DNTT: variants seen among roughly 807,000 people sequenced by gnomAD.
DNTT encodes the protein DNA nucleotidylexotransferase, also known as nucleosidetriphosphate:DNA deoxynucleotidylexotransferase.
DNTT carries 47 observed loss-of-function variants against 60.9 expected under a neutral mutation model. That is an observed-to-expected ratio of 0.77 (90% CI 0.61 to 0.98). DNTT has a LOEUF of 0.98. Ranked by LOEUF, DNTT falls within the 50% of genes least tolerant of loss-of-function variation. The probability of loss-of-function intolerance (pLI) is 0.00; values close to 1 mark genes in which losing one functional copy is unlikely to be tolerated. For synonymous variants in DNTT, 224 were observed against 221.2 expected, an observed-to-expected ratio of 1.01 and a Z score of -0.11; for missense variants, 665 against 627.5, an observed-to-expected ratio of 1.06 and a Z score of -0.64.
At chr10:96,321,152 G>C (rs1388438328) in intron 4 of DNTT, among the ~76,000 whole-genome samples, 2 of 152,084 alleles carry the variant, frequency 1.3e-5, no homozygotes, top group Non-Finnish European at 2.9e-5. Context: ...ATTCGACTGG[G>C]GGGCATAAGG....
chr10:96,316,938 A>G (rs1160220943), intron 1 of DNTT, among the ~76,000 whole-genome samples: 1 of 152,244 alleles, frequency 6.6e-6, no homozygotes, highest in East Asian at 1.9e-4. Context: ...TGCATATAAT[A>G]GCAAATTTAA....
chr10:96,307,229 TCAA>T (rs571900289), intron 1 of DNTT, among the ~76,000 whole-genome samples: 19 of 152,170 alleles, frequency 1.2e-4, no homozygotes, highest in African/African-American at 3.9e-4. Flanking sequence ...TCAAATGATA[TCAA>T]CAAATAGAAC....
chr10:96,312,319 C>T (rs1002687071), intron 1 of DNTT, among the ~76,000 whole-genome samples: 5 of 152,140 alleles, frequency 3.3e-5, no homozygotes, highest in Admixed American at 1.3e-4. Flanking sequence ...GCAATTTCCC[C>T]GTCCTTTGCA....
intron 1 of DNTT, among the ~76,000 whole-genome samples, chr10:96,308,145 A>G (rs566031949): frequency 2.0e-5 from 3 of 152,302 alleles, no homozygotes; most frequent in Admixed American, 6.5e-5. Flanking sequence ...TGGCTGTCAG[A>G]AGGATTAAAT....
intron 1 of DNTT, among the ~76,000 whole-genome samples, chr10:96,314,672 A>G (rs968288488): frequency 6.6e-6 from 1 of 151,712 alleles, no homozygotes; most frequent in Non-Finnish European, 1.5e-5. Context: ...TCAGCCTCCC[A>G]AAGTGCTGGG....
intron 7 of DNTT, 128 bp from the exon 8 acceptor site, chr10:96,328,597 C>T (rs1379184111): frequency 4.8e-5 from 40 of 840,518 alleles, no homozygotes; most frequent in Non-Finnish European, 6.8e-5. Context: ...TATTTTGTTT[C>T]TTAAAAAAAA....
intron 9 of DNTT, 109 bp from the exon 10 acceptor site, chr10:96,335,782 C>A: frequency 7.7e-7 from 1 of 1,303,866 alleles, no homozygotes; most frequent in Non-Finnish European, 1.1e-6. Context: ...AGGAAAATCA[C>A]TTTGAGAATG....
chr10:96,314,868 G>C (rs1198369810), intron 1 of DNTT, among the ~76,000 whole-genome samples: 1 of 152,124 alleles, frequency 6.6e-6, no homozygotes, highest in African/African-American at 2.4e-5. Context: ...TCAGAGCAGA[G>C]AGAAAACCAC....
At chr10:96,310,822 A>T (rs143610380) in intron 1 of DNTT, among the ~76,000 whole-genome samples, 3 of 152,346 alleles carry the variant, frequency 2.0e-5, no homozygotes, top group African/African-American at 7.2e-5. Flanking sequence ...GTTTACCAAG[A>T]GTAATTTTTG....
At chr10:96,306,983 C>T (rs34220987) in intron 1 of DNTT, among the ~76,000 whole-genome samples, 15,756 of 152,238 alleles carry the variant, frequency 0.1, 888 homozygotes, top group South Asian at 0.15. Context: ...GGCTCTGAGC[C>T]TCCCCAGCCA....
intron 9 of DNTT, among the ~76,000 whole-genome samples, chr10:96,334,113 T>C (rs1360343883): frequency 1.3e-5 from 2 of 152,192 alleles, no homozygotes; most frequent in African/African-American, 4.8e-5. Flanking sequence ...TATATGTTAA[T>C]TAAAAATAAA....
chr10:96,308,970 T>A (rs1844676242), intron 1 of DNTT, among the ~76,000 whole-genome samples: 1 of 152,214 alleles, frequency 6.6e-6, no homozygotes, highest in Non-Finnish European at 1.5e-5. Flanking sequence ...GATGTATACG[T>A]GCAGGTCACA....
rs1564870098 is a variant in DNTT at position 96,314,401 on chromosome 10, C to CTTTTTTTTTTTTT, written c.204-3951_204-3950insTTTTTTTTTTTTT. On this transcript the variant is annotated intron_variant, in intron 1 of 10. Coordinates refer to ENST00000371174, the MANE Select transcript of DNTT (RefSeq NM_004088.4). ...TTAACATTTCCAAGGCTATCTCTTC[C>CTTTTTTTTTTTTT]CTTTTTTTTTTTTTTTTTTTTTTTT... 1.8e-4 allele frequency among the ~76,000 whole-genome samples: 7 copies of CTTTTTTTTTTTTT among 39,830 alleles called. No homozygotes were observed. The East Asian group carries it at 2.5e-3, about 14-fold the overall frequency. The allele number at this position is 39,830 out of a possible 152,430, so 26.1% of individuals were successfully genotyped here. A position where few individuals can be genotyped will look rare whatever the true frequency, so the allele number is the denominator to read the frequency against.
Position 96,332,500 on chromosome 10 carries a change from G to T in DNTT, c.1263G>T (p.Trp421Cys). ...RQRVDSDQSS[W>C]QEGKTWKAIR... Reference sequence around the variant, plus strand: ...GAGTGGACAGTGACCAGTCCAGCTGGCAGGAAGGAAAGACCTGGAAGGCCA... The same window carrying T: ...GAGTGGACAGTGACCAGTCCAGCTGTCAGGAAGGAAAGACCTGGAAGGCCA... The change falls in exon 9 of 11, where the codon TGG becomes TGT. Residue 421 changes from tryptophan to cysteine, a missense_variant. Trp to Cys is a radical substitution (Grantham distance 215). Transcript: ENST00000371174. 4 of 1,614,188 alleles carry T rather than the reference G, an allele frequency of 2.5e-6. No homozygotes were observed. Among genetic ancestry groups the T allele is most frequent in the Non-Finnish European group, 3.4e-6 (4 of 1,180,012 alleles).
At chr10:96,315,395 A>G (rs1844775326) in intron 1 of DNTT, among the ~76,000 whole-genome samples, 1 of 152,056 alleles carries the variant, frequency 6.6e-6, no homozygotes, top group Non-Finnish European at 1.5e-5. Context: ...GTTTTGTTTG[A>G]CTTTTTGGTT....
chr10:96,315,050 G>T (rs546186039), intron 1 of DNTT, among the ~76,000 whole-genome samples: 1 of 152,114 alleles, frequency 6.6e-6, no homozygotes, highest in African/African-American at 2.4e-5. Context: ...TGGCAACCCC[G>T]ACACGAGGAA....
intron 3 of DNTT, among the ~76,000 whole-genome samples, chr10:96,319,845 C>A (rs1428581313): frequency 6.6e-6 from 1 of 152,198 alleles, no homozygotes; most frequent in African/African-American, 2.4e-5. Context: ...CAATTTCTCT[C>A]TCTGAGCCTG....
At chr10:96,309,511 A>G (rs927599684) in intron 1 of DNTT, among the ~76,000 whole-genome samples, 2 of 150,688 alleles carry the variant, frequency 1.3e-5, no homozygotes, top group South Asian at 4.2e-4. Context: ...TTTTACTTTT[A>G]GTCTTCTAGT....
intron 2 of DNTT, 63 bp from the exon 3 acceptor site, chr10:96,319,199 T>TC: frequency 6.5e-7 from 1 of 1,539,166 alleles, no homozygotes; most frequent in South Asian, 1.3e-5. Context: ...CCAAATTTTT[T>TC]CCGTACATAT....
Sources: allele counts gnomAD v4.1 joint callset (sites outside exome capture counted in the v4.1 genomes callset), GRCh38; gene constraint gnomAD v4.1.1; transcripts MANE v1.5; gene names NCBI Gene and HGNC (gene_info 2026-07-23, HGNC 2026-07-21).